Variants in SMAD5 observed in about 807,000 individuals in gnomAD.
SMAD5 encodes the protein MAD, mothers against decapentaplegic homolog 5.
A neutral mutation model predicts 43.1 loss-of-function variants in SMAD5; 9 were observed. The observed-to-expected ratio is 0.21, with a 90% CI of 0.13 to 0.36. The LOEUF (loss-of-function observed/expected upper bound fraction) is 0.36. Among genes scored for constraint, SMAD5 ranks in the 10% least tolerant of loss-of-function variants. The pLI is 1.00. For missense variants in SMAD5, 348 were observed against 574.0 expected (o/e 0.61, Z 4.02); for synonymous variants, 190 against 192.4 (o/e 0.99, Z 0.10).
intron 2 of SMAD5, among the ~76,000 whole-genome samples, chr5:136,148,655 CTTATGTCCTTTGGCACCAT>C (rs1753348860): frequency 2.6e-5 from 4 of 151,866 alleles, no homozygotes; most frequent in African/African-American, 9.6e-5. Flanking sequence ...ACCCAGGAGT[CTTATGTCCTTTGGCACCAT>C]CCAGAAGACA....
At chr5:136,174,958 T>C (rs1004323011) in intron 7 of SMAD5, among the ~76,000 whole-genome samples, 1 of 152,152 alleles carries the variant, frequency 6.6e-6, no homozygotes, top group African/African-American at 2.4e-5. Flanking sequence ...ATAGACATAC[T>C]CAAGACTGGG....
intron 2 of SMAD5, among the ~76,000 whole-genome samples, chr5:136,148,832 C>T (rs531400673): frequency 5.5e-4 from 84 of 151,836 alleles, no homozygotes; most frequent in Middle Eastern, 6.8e-3. Context: ...GAGGGAGACA[C>T]TTGTGAATAG....
chr5:136,161,913 T>C (rs775720732), intron 4 of SMAD5, among the ~76,000 whole-genome samples: 3 of 152,256 alleles, frequency 2.0e-5, no homozygotes, highest in African/African-American at 7.2e-5. Context: ...AGTTAAGTTC[T>C]TGTGGTATAT....
rs1008859099 is a variant in SMAD5 at position 136,178,658 on chromosome 5, G to A, written c.*1178G>A. 6.6e-6 allele frequency: 1 copy of A among 152,140 alleles called. No homozygotes were observed. The highest frequency in any genetic ancestry group is 1.5e-5 in the Non-Finnish European group (1 of 68,034). 9.4% of individuals were successfully genotyped at this position (152,140 alleles called of 1,614,324 possible). A position where few individuals can be genotyped will look rare whatever the true frequency, so the allele number is the denominator to read the frequency against. Reference sequence around the variant, plus strand: ...ACTTGTATCAGCCTCCCTACGCAAGGACCTATGCACTGGAGCCGTAGGAGG... The same window carrying A: ...ACTTGTATCAGCCTCCCTACGCAAGAACCTATGCACTGGAGCCGTAGGAGG... On this transcript the variant is annotated 3_prime_UTR_variant, in exon 8 of 8. Transcript: ENST00000545279.
chr5:136,147,637 C>T (rs1313468732), intron 1 of SMAD5, 195 bp from the exon 2 acceptor site: 1 of 151,748 alleles, frequency 6.6e-6, no homozygotes, highest in African/African-American at 2.4e-5. Context: ...CCTGTTTTCT[C>T]ATCTGTAAAA....
At position 136,178,061 on chromosome 5, in the gene SMAD5, T is replaced by G. The variant is rs1369925200; in HGVS notation, c.*581T>G. ...CAGTAAAAGCAAAATGATAGTTTTC[T>G]AGATGACATAAAATTTACATTTAAT... On this transcript the variant is annotated 3_prime_UTR_variant, in exon 8 of 8. Coordinates refer to ENST00000545279, the MANE Select transcript of SMAD5 (RefSeq NM_005903.7). 6.6e-6 allele frequency: 1 copy of G among 152,668 alleles called. No individual in the cohort carries two copies. Among genetic ancestry groups the G allele is most frequent in the Non-Finnish European group, 1.5e-5 (1 of 68,056 alleles). The allele number at this position is 152,668 out of a possible 1,614,324, so 9.5% of individuals were successfully genotyped here.
Position 136,153,758 on chromosome 5 carries a change from C to T in SMAD5, c.-3C>T, listed in dbSNP as rs373033430. 2.4e-5 allele frequency: 39 copies of T among 1,599,430 alleles called. No individual in the cohort carries two copies. The highest frequency in any genetic ancestry group is 3.4e-5 in the South Asian group (3 of 88,848). ...CAGGAAGGTCTCCGAAGATTTGTGT[C>T]AAATGACGTCAATGGCCAGCTTGTT... On this transcript the variant is annotated 5_prime_UTR_variant, in exon 3 of 8. Transcript: ENST00000545279.
intron 6 of SMAD5, 170 bp downstream of exon 6, chr5:136,172,825 C>A: frequency 1.7e-6 from 1 of 592,464 alleles, no homozygotes. Context: ...CATGATGTTC[C>A]CTCATTTTTT....
At chr5:136,141,466 C>T (rs765001664) in intron 1 of SMAD5, among the ~76,000 whole-genome samples, 12 of 152,154 alleles carry the variant, frequency 7.9e-5, no homozygotes, top group Non-Finnish European at 1.8e-4. Flanking sequence ...TGTCGTGCTA[C>T]GTTATTCTGT....
chr5:136,160,395 A>G (rs992763819), intron 3 of SMAD5, among the ~76,000 whole-genome samples: 1 of 151,974 alleles, frequency 6.6e-6, no homozygotes, highest in Non-Finnish European at 1.5e-5. Context: ...TGATTTTCTC[A>G]TCTCCTCTGC....
chr5:136,139,058 A>G (rs1437226814), intron 1 of SMAD5, among the ~76,000 whole-genome samples: 2 of 152,140 alleles, frequency 1.3e-5, no homozygotes, highest in South Asian at 2.1e-4. Flanking sequence ...TGCAGCAGTC[A>G]TAGAGATGTT....
intron 1 of SMAD5, among the ~76,000 whole-genome samples, chr5:136,145,050 G>A (rs1371911300): frequency 6.6e-6 from 1 of 151,800 alleles, no homozygotes; most frequent in Non-Finnish European, 1.5e-5. Flanking sequence ...GCAAGTGATG[G>A]GGAGCATCAG....
intron 5 of SMAD5, among the ~76,000 whole-genome samples, chr5:136,166,631 T>A (rs1393287680): frequency 6.6e-6 from 1 of 152,212 alleles, no homozygotes; most frequent in Non-Finnish European, 1.5e-5. Context: ...AGGGATGATA[T>A]GCTGGAATTA....
chr5:136,158,708 G>A (rs891032092), intron 3 of SMAD5, among the ~76,000 whole-genome samples: 3 of 152,122 alleles, frequency 2.0e-5, no homozygotes, highest in African/African-American at 7.2e-5. Flanking sequence ...GACAATCCTG[G>A]CTAATACGGT....
chr5:136,167,345 TA>T (rs1466115032), intron 5 of SMAD5, among the ~76,000 whole-genome samples: 7 of 152,176 alleles, frequency 4.6e-5, no homozygotes, highest in African/African-American at 1.7e-4. Flanking sequence ...TACAGTGGTT[TA>T]TTTTCCTCTC....
chr5:136,138,407 G>C (rs540503500), intron 1 of SMAD5, among the ~76,000 whole-genome samples: 1 of 152,160 alleles, frequency 6.6e-6, no homozygotes, highest in East Asian at 1.9e-4. Context: ...TAATTTTGGC[G>C]CCCATGTAAT....
chr5:136,155,911 G>T (rs1753620604), intron 3 of SMAD5, among the ~76,000 whole-genome samples: 1 of 152,170 alleles, frequency 6.6e-6, no homozygotes, highest in South Asian at 2.1e-4. Flanking sequence ...GGTATAAGCT[G>T]AGCTGCTAGC....
At chr5:136,168,526 C>G (rs1209084318) in intron 5 of SMAD5, among the ~76,000 whole-genome samples, 1 of 152,192 alleles carries the variant, frequency 6.6e-6, no homozygotes, top group Non-Finnish European at 1.5e-5. Flanking sequence ...ACAGCCTCCT[C>G]CATTATCAGC....
At chr5:136,145,436 C>T (rs1038424422) in intron 1 of SMAD5, among the ~76,000 whole-genome samples, 6 of 151,824 alleles carry the variant, frequency 4.0e-5, no homozygotes, top group East Asian at 3.9e-4. Context: ...GGAGCAGTGT[C>T]GGAACATTCT....
Sources: allele counts gnomAD v4.1 joint callset (sites outside exome capture counted in the v4.1 genomes callset), GRCh38; gene constraint gnomAD v4.1.1; transcripts MANE v1.5; gene names NCBI Gene and HGNC (gene_info 2026-07-23, HGNC 2026-07-21).